Variants in GRIK2 observed in about 807,000 individuals in gnomAD.
GRIK2 encodes glutamate ionotropic receptor kainate type subunit 2.
In GRIK2, 32 loss-of-function variants were observed where a neutral mutation model predicts 100.3. The ratio of observed to expected loss-of-function variants is 0.32; its 90% CI spans 0.24 to 0.43. The LOEUF (loss-of-function observed/expected upper bound fraction) is 0.43. Ranked by LOEUF, GRIK2 falls within the 20% of genes least tolerant of loss-of-function variation. GRIK2 has a pLI of 1.00. For missense variants in GRIK2, 843 were observed against 1,114.9 expected, an observed-to-expected ratio of 0.76 and a Z score of 3.47; for synonymous variants, 417 against 389.4, an observed-to-expected ratio of 1.07 and a Z score of -0.83.
intron 16 of GRIK2, among the ~76,000 whole-genome samples, chr6:102,065,415 G>T (rs1267852898): frequency 1.3e-5 from 2 of 151,146 alleles, no homozygotes; most frequent in African/African-American, 2.4e-5. Flanking sequence ...TAAGTATGGG[G>T]TACTAAACAC....
intron 14 of GRIK2, among the ~76,000 whole-genome samples, chr6:101,988,108 T>C (rs978938931): frequency 5.0e-4 from 20 of 39,816 alleles, no homozygotes; most frequent in African/African-American, 1.6e-3. Flanking sequence ...TGTGTGTGTG[T>C]GTGTGTGTGT....
chr6:101,899,578 C>A (rs1003591545), intron 12 of GRIK2, among the ~76,000 whole-genome samples: 1 of 151,914 alleles, frequency 6.6e-6, no homozygotes, highest in African/African-American at 2.4e-5. Context: ...TCCTGCTATT[C>A]TTTATAAGAG....
At chr6:101,748,273 T>C (rs1481152571) in intron 7 of GRIK2, among the ~76,000 whole-genome samples, 1 of 152,138 alleles carries the variant, frequency 6.6e-6, no homozygotes, top group African/African-American at 2.4e-5. Context: ...AGTCATGAAA[T>C]ACAGTCATAA....
At chr6:101,919,356 C>G (rs559190320) in intron 12 of GRIK2, among the ~76,000 whole-genome samples, 1 of 151,726 alleles carries the variant, frequency 6.6e-6, no homozygotes. Flanking sequence ...GTTGACATGT[C>G]TTAAGCATAG....
intron 2 of GRIK2, among the ~76,000 whole-genome samples, chr6:101,611,086 C>T (rs1455120692): frequency 1.3e-5 from 2 of 151,556 alleles, no homozygotes; most frequent in African/African-American, 4.8e-5. Flanking sequence ...TTTTAATGGT[C>T]CATTTATAGA....
intron 2 of GRIK2, among the ~76,000 whole-genome samples, chr6:101,612,616 T>C (rs1400983960): frequency 6.6e-6 from 1 of 151,728 alleles, no homozygotes. Context: ...AAAGACACAA[T>C]TAGTTCAGTG....
chr6:101,498,682 G>A (rs1773583751), intron 2 of GRIK2, among the ~76,000 whole-genome samples: 1 of 151,582 alleles, frequency 6.6e-6, no homozygotes, highest in African/African-American at 2.4e-5. Context: ...AGAAGTGTCT[G>A]TTCATATCCT....
At chr6:101,499,307 T>C (rs2518242) in intron 2 of GRIK2, among the ~76,000 whole-genome samples, 91,600 of 151,960 alleles carry the variant, frequency 0.6, 28,690 homozygotes, top group African/African-American at 0.77. Context: ...ATAAAAATGC[T>C]TTGGTGAATC....
At position 101,759,951 on chromosome 6, in the gene GRIK2, G is replaced by A. The variant is rs954533148; in HGVS notation, c.952-39697G>A. ...CTGCGGACTGCAGTGGCGCAATCTC[G>A]GCTCACTTCCCGGGTTCACGCCATT... On this transcript the variant is annotated intron_variant, in intron 7 of 16. Transcript: ENST00000369134. 3.2e-5 allele frequency among the ~76,000 whole-genome samples: 4 copies of A among 124,500 alleles called. 2 individuals carry two copies. The highest frequency in any genetic ancestry group is 1.6e-4 in the Admixed American group (2 of 12,626). 81.7% of individuals were successfully genotyped at this position (124,500 alleles called of 152,430 possible).
chr6:101,450,883 T>C (rs749333719), intron 2 of GRIK2, among the ~76,000 whole-genome samples: 8 of 151,718 alleles, frequency 5.3e-5, no homozygotes, highest in Non-Finnish European at 1.0e-4. Flanking sequence ...CTGGCAGTTA[T>C]TACTGGTGTG....
At chr6:101,434,868 T>C (rs950488491) in intron 2 of GRIK2, among the ~76,000 whole-genome samples, 3 of 152,058 alleles carry the variant, frequency 2.0e-5, no homozygotes, top group Non-Finnish European at 4.4e-5. Flanking sequence ...AGGAAATAAA[T>C]AATGTTTTGC....
At chr6:101,841,597 C>A (rs747484934) in intron 10 of GRIK2, among the ~76,000 whole-genome samples, 1 of 152,026 alleles carries the variant, frequency 6.6e-6, no homozygotes, top group Non-Finnish European at 1.5e-5. Context: ...CTCCTGACCT[C>A]GAGTGATCCA....
At chr6:101,846,813 C>G (rs1053280389) in intron 10 of GRIK2, among the ~76,000 whole-genome samples, 1 of 151,958 alleles carries the variant, frequency 6.6e-6, no homozygotes, top group Non-Finnish European at 1.5e-5. Flanking sequence ...TTCTATGATT[C>G]TCTTGTAAAC....
intron 7 of GRIK2, among the ~76,000 whole-genome samples, chr6:101,721,808 T>C (rs1774505683): frequency 6.6e-6 from 1 of 152,002 alleles, no homozygotes; most frequent in Non-Finnish European, 1.5e-5. Context: ...ACATATATTA[T>C]TTAATTCACT....
intron 14 of GRIK2, among the ~76,000 whole-genome samples, chr6:102,000,704 A>C (rs565872744): frequency 6.6e-6 from 1 of 152,216 alleles, no homozygotes; most frequent in African/African-American, 2.4e-5. Context: ...AGTATTTTTA[A>C]AAATATATCT....
intron 6 of GRIK2, 130 bp downstream of exon 6, chr6:101,682,736 C>T: frequency 8.0e-6 from 4 of 497,608 alleles, no homozygotes. Context: ...GATAAGACTC[C>T]ACCAAAATTA....
intron 2 of GRIK2, among the ~76,000 whole-genome samples, chr6:101,519,990 G>A (rs1357882194): frequency 2.6e-5 from 4 of 152,122 alleles, no homozygotes; most frequent in Non-Finnish European, 5.9e-5. Flanking sequence ...ACTCTCCACA[G>A]AAGGATACAT....
At chr6:101,905,354 T>C (rs1788149202) in intron 12 of GRIK2, among the ~76,000 whole-genome samples, 1 of 151,662 alleles carries the variant, frequency 6.6e-6, no homozygotes, top group Admixed American at 6.6e-5. Flanking sequence ...TTTTATACAA[T>C]TTCATTTATA....
At chr6:101,434,987 G>T (rs924056340) in intron 2 of GRIK2, among the ~76,000 whole-genome samples, 1 of 152,066 alleles carries the variant, frequency 6.6e-6, no homozygotes, top group Admixed American at 6.6e-5. Context: ...AGAGATTTAG[G>T]TTGCACAAAC....
Sources: allele counts gnomAD v4.1 joint callset (sites outside exome capture counted in the v4.1 genomes callset), GRCh38; gene constraint gnomAD v4.1.1; transcripts MANE v1.5; gene names NCBI Gene and HGNC (gene_info 2026-07-23, HGNC 2026-07-21).